LSAMP: variants seen among roughly 807,000 people sequenced by gnomAD.
The protein encoded by LSAMP is limbic system-associated membrane protein.
A neutral mutation model predicts 38.6 loss-of-function variants in LSAMP; 7 were observed. That is an observed-to-expected ratio of 0.18 (90% CI 0.10 to 0.34). The LOEUF (loss-of-function observed/expected upper bound fraction) is 0.34. LSAMP is among the 10% of genes least tolerant of loss of function. The pLI, the probability that LSAMP is intolerant of heterozygous loss-of-function variation, is 1.00. For synonymous variants in LSAMP, 154 were observed against 166.8 expected (o/e 0.92, Z 0.59); for missense variants, 313 against 420.0 (o/e 0.75, Z 2.23).
At chr3:116,210,539 A>T (rs1392773171) in intron 1 of LSAMP, among the ~76,000 whole-genome samples, 2 of 152,174 alleles carry the variant, frequency 1.3e-5, no homozygotes, top group Non-Finnish European at 2.9e-5. Flanking sequence ...CCACAGACCG[A>T]AGGCTGCATC....
intron 2 of LSAMP, among the ~76,000 whole-genome samples, chr3:116,064,036 C>T (rs1941639927): frequency 6.6e-6 from 1 of 152,126 alleles, no homozygotes; most frequent in South Asian, 2.1e-4. Context: ...TTATTTTCCC[C>T]TTTTAGGGGT....
At chr3:116,270,632 G>A (rs2046958609) in intron 1 of LSAMP, among the ~76,000 whole-genome samples, 2 of 152,202 alleles carry the variant, frequency 1.3e-5, no homozygotes, top group Non-Finnish European at 1.5e-5. Flanking sequence ...TACAATTGCT[G>A]GAGCCTGGAC....
chr3:116,173,863 C>T (rs1305604613), intron 1 of LSAMP, among the ~76,000 whole-genome samples: 2 of 151,112 alleles, frequency 1.3e-5, no homozygotes, highest in South Asian at 2.1e-4. Flanking sequence ...CTCCTTGTTC[C>T]GAAGATGCAT....
intron 1 of LSAMP, among the ~76,000 whole-genome samples, chr3:116,229,195 AAAAC>A (rs145270842): frequency 0.012 from 1,883 of 152,290 alleles, 36 homozygotes; most frequent in African/African-American, 0.042. Flanking sequence ...TATTCAGAGA[AAAAC>A]AAACAAAAAT....
intron 1 of LSAMP, among the ~76,000 whole-genome samples, chr3:116,109,391 A>G (rs1200619587): frequency 6.6e-6 from 1 of 152,118 alleles, no homozygotes; most frequent in African/African-American, 2.4e-5. Context: ...ATAGGTCTGT[A>G]GAAAAGGAAG....
chr3:116,435,138 G>C (rs1559867167), intron 1 of LSAMP, among the ~76,000 whole-genome samples: 1 of 152,188 alleles, frequency 6.6e-6, no homozygotes, highest in East Asian at 1.9e-4. Flanking sequence ...AGTTTTAAAA[G>C]ATAGAGCTCC....
intron 1 of LSAMP, among the ~76,000 whole-genome samples, chr3:116,098,960 C>A (rs1313468418): frequency 2.0e-5 from 3 of 152,218 alleles, no homozygotes; most frequent in African/African-American, 7.2e-5. Flanking sequence ...ACAAAGAAAG[C>A]TGAAGAATGA....
intron 1 of LSAMP, among the ~76,000 whole-genome samples, chr3:116,128,709 T>C (rs1461925813): frequency 6.6e-6 from 1 of 150,428 alleles, no homozygotes; most frequent in African/African-American, 2.5e-5. Flanking sequence ...ATCATTACAA[T>C]TGCATGAATC....
At chr3:116,283,874 C>G (rs951157079) in intron 1 of LSAMP, among the ~76,000 whole-genome samples, 4 of 152,044 alleles carry the variant, frequency 2.6e-5, no homozygotes, top group Admixed American at 6.5e-5. Context: ...GGCATGGTGA[C>G]ATACACCTGT....
At position 116,219,844 on chromosome 3, in the gene LSAMP, A is replaced by G. The variant is rs143309029; in HGVS notation, c.156-133288T>C. ...TCTCCAAATAGGACATAAAAATGACATATATATAATCTTTAATTACCAGAG... is the reference window on the plus strand; with the variant it reads ...TCTCCAAATAGGACATAAAAATGACGTATATATAATCTTTAATTACCAGAG... On this transcript the variant is annotated intron_variant, in intron 1 of 6. Coordinates refer to ENST00000490035, the MANE Select transcript of LSAMP (RefSeq NM_002338.5). 2.5e-3 allele frequency among the ~76,000 whole-genome samples: 384 copies of G among 152,200 alleles called. 4 individuals carry two copies. The highest frequency in any genetic ancestry group is 8.9e-3 in the African/African-American group (371 of 41,482).
intron 1 of LSAMP, among the ~76,000 whole-genome samples, chr3:116,320,131 G>A (rs1198441454): frequency 6.6e-6 from 1 of 152,168 alleles, no homozygotes; most frequent in African/African-American, 2.4e-5. Context: ...TAACACTAAT[G>A]AGGCAGGACG....
intron 1 of LSAMP, among the ~76,000 whole-genome samples, chr3:116,114,249 C>T (rs1385612630): frequency 6.6e-6 from 1 of 152,162 alleles, no homozygotes; most frequent in African/African-American, 2.4e-5. Flanking sequence ...ATTGCAAGAG[C>T]CTGAGTAAGA....
Position 115,849,323 on chromosome 3 carries a change from G to T in LSAMP, c.649+3160C>A, listed in dbSNP as rs533020098. ...CTATCCAAAAGAAGTAAAAAGGAGAGACCATAGAGTCCAGCTTGTGAGCTC... is the reference window on the plus strand; with the variant it reads ...CTATCCAAAAGAAGTAAAAAGGAGATACCATAGAGTCCAGCTTGTGAGCTC... On this transcript the variant is annotated intron_variant, in intron 4 of 6. Transcript: ENST00000490035. 1.7e-3 allele frequency among the ~76,000 whole-genome samples: 263 copies of T among 152,286 alleles called. 2 individuals are homozygous for T. The highest frequency in any genetic ancestry group is 3.5e-3 in the Non-Finnish European group (235 of 68,018).
At chr3:115,837,234 A>G (rs1358354833) in intron 6 of LSAMP, among the ~76,000 whole-genome samples, 1 of 152,222 alleles carries the variant, frequency 6.6e-6, no homozygotes, top group African/African-American at 2.4e-5. Context: ...GATATTTTAA[A>G]GTTTAAAAAG....
At chr3:116,135,007 G>A (rs1576385107) in intron 1 of LSAMP, among the ~76,000 whole-genome samples, 1 of 152,264 alleles carries the variant, frequency 6.6e-6, no homozygotes, top group East Asian at 1.9e-4. Context: ...CACTACAGGA[G>A]TATAGAAAGC....
chr3:115,835,663 A>G (rs746626887), intron 6 of LSAMP, among the ~76,000 whole-genome samples: 3 of 152,232 alleles, frequency 2.0e-5, no homozygotes, highest in Non-Finnish European at 2.9e-5. Context: ...ATAGCCTACC[A>G]TCTTGTGCCT....
At chr3:116,031,376 A>G (rs761674398) in intron 2 of LSAMP, among the ~76,000 whole-genome samples, 10 of 152,020 alleles carry the variant, frequency 6.6e-5, no homozygotes, top group Non-Finnish European at 1.5e-4. Context: ...GGAGGTTATC[A>G]TGAAAATAAT....
chr3:116,322,044 A>G (rs1027633395), intron 1 of LSAMP, among the ~76,000 whole-genome samples: 1 of 152,246 alleles, frequency 6.6e-6, no homozygotes, highest in African/African-American at 2.4e-5. Flanking sequence ...ACAATAAAAG[A>G]AATCTCTAGT....
chr3:116,359,859 C>G, intron 1 of LSAMP, among the ~76,000 whole-genome samples: 1 of 152,082 alleles, frequency 6.6e-6, no homozygotes, highest in East Asian at 1.9e-4. Flanking sequence ...ATGTGAAACT[C>G]AAAACTATAA....
Sources: allele counts gnomAD v4.1 joint callset (sites outside exome capture counted in the v4.1 genomes callset), GRCh38; gene constraint gnomAD v4.1.1; transcripts MANE v1.5; gene names NCBI Gene and HGNC (gene_info 2026-07-23, HGNC 2026-07-21).